CRPPA: variants seen among roughly 807,000 people sequenced by gnomAD.
CRPPA encodes D-ribitol-5-phosphate cytidylyltransferase.
Under a neutral mutation model 52.0 loss-of-function variants are expected in CRPPA, and 43 were observed. The ratio of observed to expected loss-of-function variants is 0.83; its 90% CI spans 0.65 to 1.07. The LOEUF is 1.07. Among genes scored for constraint, CRPPA ranks in the 50% least tolerant of loss-of-function variants. CRPPA has a pLI of 0.00. For missense variants in CRPPA, 629 were observed against 551.7 expected, an observed-to-expected ratio of 1.14 and a Z score of -1.40; for synonymous variants, 250 against 203.5, an observed-to-expected ratio of 1.23 and a Z score of -1.94.
chr7:16,241,448 C>T (rs1163325709), intron 8 of CRPPA, among the ~76,000 whole-genome samples: 1 of 151,974 alleles, frequency 6.6e-6, no homozygotes, highest in East Asian at 1.9e-4. Context: ...AAAAGCAAAG[C>T]TCTCATGTAA....
intron 6 of CRPPA, among the ~76,000 whole-genome samples, chr7:16,274,193 A>G (rs977829030): frequency 6.6e-6 from 1 of 151,912 alleles, no homozygotes; most frequent in Admixed American, 6.6e-5. Context: ...GGGACTACAG[A>G]TGCCCACCAC....
intron 8 of CRPPA, among the ~76,000 whole-genome samples, chr7:16,217,126 C>T: frequency 6.8e-6 from 1 of 147,988 alleles, no homozygotes; most frequent in Non-Finnish European, 1.5e-5. Flanking sequence ...CAAGTGGGTC[C>T]CTGACCCCTG....
At chr7:16,278,573 C>T (rs1458811192) in intron 5 of CRPPA, among the ~76,000 whole-genome samples, 1 of 152,196 alleles carries the variant, frequency 6.6e-6, no homozygotes, top group Non-Finnish European at 1.5e-5. Flanking sequence ...CTCCCAGAAC[C>T]TAACAGATTT....
At chr7:16,097,510 G>A (rs993727632) in intron 9 of CRPPA, among the ~76,000 whole-genome samples, 1 of 152,084 alleles carries the variant, frequency 6.6e-6, no homozygotes, top group Non-Finnish European at 1.5e-5. Flanking sequence ...GGTGAAAGAT[G>A]CACAAAAGAA....
intron 9 of CRPPA, among the ~76,000 whole-genome samples, chr7:16,119,723 G>A (rs2128369407): frequency 6.6e-6 from 1 of 152,266 alleles, no homozygotes; most frequent in Admixed American, 6.5e-5. Context: ...ACAAAAAGCA[G>A]TATTATAGAG....
intron 9 of CRPPA, among the ~76,000 whole-genome samples, chr7:16,106,653 C>A (rs1319261801): frequency 6.6e-6 from 1 of 152,206 alleles, no homozygotes; most frequent in Non-Finnish European, 1.5e-5. Flanking sequence ...TGCTAAAGAA[C>A]ACCTCTTAGG....
chr7:16,275,358 A>G (rs1784178901), intron 6 of CRPPA, among the ~76,000 whole-genome samples: 1 of 152,158 alleles, frequency 6.6e-6, no homozygotes, highest in Non-Finnish European at 1.5e-5. Flanking sequence ...AAGCACATTC[A>G]AAACCAATAA....
chr7:16,270,143 A>G (rs1784057989), intron 6 of CRPPA: 1 of 152,156 alleles, frequency 6.6e-6, no homozygotes, highest in African/African-American at 2.4e-5. Context: ...TTATGAATAC[A>G]TGCCCAAAAA....
At chr7:16,211,238 A>C (rs1006859801) in intron 9 of CRPPA, among the ~76,000 whole-genome samples, 1 of 152,230 alleles carries the variant, frequency 6.6e-6, no homozygotes, top group Non-Finnish European at 1.5e-5. Context: ...CTCTATAAAA[A>C]CAATTTTTTT....
At chr7:16,268,181 A>C (rs1432012449) in intron 6 of CRPPA, among the ~76,000 whole-genome samples, 3 of 152,106 alleles carry the variant, frequency 2.0e-5, no homozygotes. Flanking sequence ...TTGTCTAGAT[A>C]AGAAATATTA....
intron 2 of CRPPA, among the ~76,000 whole-genome samples, chr7:16,397,844 C>T (rs554596437): frequency 3.9e-5 from 6 of 152,236 alleles, no homozygotes; most frequent in East Asian, 1.9e-4. Flanking sequence ...AGGATCAACA[C>T]GTAATCATCA....
chr7:16,114,580 A>G (rs1192459510), intron 9 of CRPPA, among the ~76,000 whole-genome samples: 5 of 152,080 alleles, frequency 3.3e-5, no homozygotes, highest in Non-Finnish European at 5.9e-5. Flanking sequence ...CGTGTGAATA[A>G]CCAGCAAGAC....
intron 9 of CRPPA, among the ~76,000 whole-genome samples, chr7:16,178,522 A>C (rs190011421): frequency 1.3e-5 from 2 of 152,298 alleles, no homozygotes; most frequent in African/African-American, 4.8e-5. Flanking sequence ...TTCAAGAAAC[A>C]AATGTAGTAT....
rs1486049548 is a variant in CRPPA at position 16,089,755 on chromosome 7, G to C, written c.*1940C>G. On this transcript the variant is annotated 3_prime_UTR_variant, in exon 10 of 10. Transcript: ENST00000407010. ...ATACTAAATGTTACCAGTTGCCTAG[G>C]GTAATGTCATAGTAAGTACTCTGAG... 1 of 185,096 alleles carries C rather than the reference G, an allele frequency of 5.4e-6. No individual in the cohort carries two copies. Among genetic ancestry groups the C allele is most frequent in the Non-Finnish European group, 1.2e-5 (1 of 85,334 alleles). 11.5% of individuals were successfully genotyped at this position (185,096 alleles called of 1,614,324 possible). A position where few individuals can be genotyped will look rare whatever the true frequency, so the allele number is the denominator to read the frequency against.
intron 6 of CRPPA, among the ~76,000 whole-genome samples, chr7:16,259,264 CAG>C (rs909531981): frequency 7.2e-5 from 11 of 151,892 alleles, no homozygotes; most frequent in Admixed American, 7.2e-4. Flanking sequence ...TGGACATAAA[CAG>C]AATATATTCT....
In CRPPA at chr7:16,290,302, T is replaced by A. The variant is rs377016519; in HGVS notation, c.835+11119A>T. 6.7e-5 allele frequency among the ~76,000 whole-genome samples: 10 copies of A among 149,930 alleles called. 1 individual carries two copies. The East Asian group carries it at 1.4e-3, about 21-fold the overall frequency. Reference sequence around the variant, plus strand: ...TCACAGAAATAGAAAAAAAAACCAATCCTGAAATGTGTATGGAACCACAAT... The same window carrying A: ...TCACAGAAATAGAAAAAAAAACCAAACCTGAAATGTGTATGGAACCACAAT... On this transcript the variant is annotated intron_variant, in intron 5 of 9. Coordinates refer to ENST00000407010, the MANE Select transcript of CRPPA (RefSeq NM_001101426.4).
At chr7:16,233,805 A>G (rs1782869950) in intron 8 of CRPPA, among the ~76,000 whole-genome samples, 1 of 152,182 alleles carries the variant, frequency 6.6e-6, no homozygotes, top group Admixed American at 6.5e-5. Context: ...TAAATGAATG[A>G]GTGAAATATC....
At chr7:16,297,667 T>C (rs1163779798) in intron 5 of CRPPA, among the ~76,000 whole-genome samples, 1 of 152,252 alleles carries the variant, frequency 6.6e-6, no homozygotes, top group Non-Finnish European at 1.5e-5. Context: ...TGTTTTTATA[T>C]AAATTTGCAG....
At chr7:16,125,076 A>G (rs1017598195) in intron 9 of CRPPA, among the ~76,000 whole-genome samples, 1 of 151,708 alleles carries the variant, frequency 6.6e-6, no homozygotes, top group African/African-American at 2.4e-5. Context: ...CCTGGCCAAC[A>G]TAGTGAACCC....
Sources: allele counts gnomAD v4.1 joint callset (sites outside exome capture counted in the v4.1 genomes callset), GRCh38; gene constraint gnomAD v4.1.1; transcripts MANE v1.5; gene names NCBI Gene and HGNC (gene_info 2026-07-23, HGNC 2026-07-21).